The following SOX5 variants were observed in gnomAD, a reference collection of about 807,000 sequenced individuals.
SOX5 encodes the protein SRY-box transcription factor 5.
A neutral mutation model predicts 92.0 loss-of-function variants in SOX5; 9 were observed. The ratio of observed to expected loss-of-function variants is 0.10; its 90% confidence interval spans 0.06 to 0.17. The LOEUF (loss-of-function observed/expected upper bound fraction) is 0.17. Among genes scored for constraint, SOX5 ranks in the 10% least tolerant of loss-of-function variants. The pLI, the probability that SOX5 is intolerant of heterozygous loss-of-function variation, is 1.00. For synonymous variants in SOX5, 344 were observed against 336.3 expected, an observed-to-expected ratio of 1.02 and a Z score of -0.25; for missense variants, 642 against 944.5, an observed-to-expected ratio of 0.68 and a Z score of 4.20.
In SOX5 at chr12:23,895,825, G is replaced by A. The variant is rs978460797; in HGVS notation, c.238C>T (p.His80Tyr). Residue 80 changes from histidine to tyrosine, a missense_variant, in exon 2 of 15, where the codon CAT (histidine) becomes TAT (tyrosine). By Grantham distance (83) the His-to-Tyr change is moderately conservative. Coordinates refer to ENST00000451604, the MANE Select transcript of SOX5 (RefSeq NM_006940.6). ...VSLLTQETCG[H>Y]RTPTSQHNTM... ...TTGTGCTGAGAAGTGGGAGTCCTAT[G>A]GCCACAAGTCTCTTGCGTCAGCAGA... is the stretch of plus-strand genomic sequence containing the variant. The A allele has an allele frequency of 2.5e-6, 4 of 1,613,728 alleles. No individual in the cohort carries two copies. The highest frequency in any genetic ancestry group is 3.4e-6 in the Non-Finnish European group (4 of 1,179,740).
intron 4 of SOX5, among the ~76,000 whole-genome samples, chr12:24,194,003 T>C (rs1594127604): frequency 6.6e-6 from 1 of 152,194 alleles, no homozygotes; most frequent in Non-Finnish European, 1.5e-5. Context: ...TACTGATTGA[T>C]GGCCTCATGT....
chr12:23,854,064 CTA>C (rs1278420740), intron 2 of SOX5, among the ~76,000 whole-genome samples: 2 of 152,072 alleles, frequency 1.3e-5, no homozygotes, highest in African/African-American at 4.8e-5. Flanking sequence ...TCTATTCACT[CTA>C]TGTGTCTGAA....
Position 24,289,741 on chromosome 12 carries a change from C to T in SOX5, c.-173-12429G>A, listed in dbSNP as rs1180896111. ...AAGTGCTGGGATTACAGGCGTGAGC[C>T]ACCGCGCCCGGCCGGACATTTGTAT... On this transcript the variant is annotated intron_variant, in intron 2 of 4. Coordinates refer to the SOX5 transcript ENST00000446891. 1.3e-5 allele frequency among the ~76,000 whole-genome samples: 2 copies of T among 151,952 alleles called. 1 individual carries two copies. Among genetic ancestry groups the T allele is most frequent in the East Asian group, 3.9e-4 (2 of 5,180 alleles).
intron 4 of SOX5, among the ~76,000 whole-genome samples, chr12:24,116,172 T>C (rs1426990849): frequency 6.6e-6 from 1 of 152,150 alleles, no homozygotes; most frequent in Non-Finnish European, 1.5e-5. Flanking sequence ...TACCTAAATT[T>C]CATCAGTCAA....
chr12:24,319,874 G>A (rs896514258), intron 2 of SOX5, among the ~76,000 whole-genome samples: 6 of 152,076 alleles, frequency 3.9e-5, no homozygotes, highest in Admixed American at 6.5e-5. Context: ...TCACTCAAAC[G>A]TCACCTCTTC....
chr12:23,949,713 T>TC (rs1235652884), upstream of SOX5: 73 of 1,272,188 alleles, frequency 5.7e-5, no homozygotes, highest in Middle Eastern at 2.4e-4. Context: ...CTCTGTCTCT[T>TC]CCCCCCCTCC....
intron 3 of SOX5, among the ~76,000 whole-genome samples, chr12:24,276,222 A>G (rs190620445): frequency 6.6e-6 from 1 of 152,192 alleles, no homozygotes; most frequent in East Asian, 1.9e-4. Flanking sequence ...TCTATATTAT[A>G]TTGTTTCATT....
rs555495471 is a variant in SOX5 at position 23,793,147 on chromosome 12, T to A, written c.482-37423A>T. Among the ~76,000 whole-genome samples the A allele has an allele frequency of 3.9e-5, 6 of 152,322 alleles. No homozygotes were observed. The South Asian group carries it at 1.2e-3, about 32-fold the overall frequency. ...CCTGTAACTATAAATTCTCCTCATA[T>A]GAAAATAAGTAGATATACATTTGTA... On this transcript the variant is annotated intron_variant, in intron 3 of 14. Transcript: ENST00000451604.
chr12:24,043,496 T>C (rs899926598), intron 4 of SOX5, among the ~76,000 whole-genome samples: 18 of 152,230 alleles, frequency 1.2e-4, no homozygotes, highest in Admixed American at 9.8e-4. Flanking sequence ...AAATAAAGCA[T>C]GGCAGAACTG....
intron 9 of SOX5, among the ~76,000 whole-genome samples, chr12:23,593,148 G>A (rs1254877034): frequency 1.3e-5 from 2 of 152,008 alleles, no homozygotes; most frequent in Non-Finnish European, 2.9e-5. Context: ...TTTCAAATAG[G>A]TAGTTCATGT....
At chr12:23,951,189 T>C (rs1945574312), upstream of SOX5, among the ~76,000 whole-genome samples, 1 of 152,110 alleles carries the variant, frequency 6.6e-6, no homozygotes, top group African/African-American at 2.4e-5. Flanking sequence ...GCCGAAGTGA[T>C]TAACTGGGGG....
At chr12:24,249,817 T>C (rs899127263) in intron 3 of SOX5, among the ~76,000 whole-genome samples, 3 of 152,222 alleles carry the variant, frequency 2.0e-5, no homozygotes, top group African/African-American at 4.8e-5. Context: ...TCAAATTAAA[T>C]GGTCTTTTAT....
At chr12:24,185,468 G>A (rs144061961) in intron 4 of SOX5, among the ~76,000 whole-genome samples, 229 of 152,128 alleles carry the variant, frequency 1.5e-3, no homozygotes, top group African/African-American at 3.4e-3. Context: ...ATGTTTGTCC[G>A]TGTCACTATT....
chr12:23,788,849 T>C (rs34946831), intron 3 of SOX5, among the ~76,000 whole-genome samples: 20,127 of 151,926 alleles, frequency 0.13, 1,458 homozygotes, highest in Non-Finnish European at 0.15. Flanking sequence ...TAGAAATGAA[T>C]AGTATTGAAT....
chr12:23,883,412 TAC>T (rs1053215548), intron 2 of SOX5, among the ~76,000 whole-genome samples: 9 of 152,062 alleles, frequency 5.9e-5, no homozygotes, highest in African/African-American at 1.9e-4. Flanking sequence ...TACAAGAAAA[TAC>T]AGTCTTTTGT....
intron 3 of SOX5, among the ~76,000 whole-genome samples, chr12:23,827,318 C>A (rs1160597275): frequency 6.6e-6 from 1 of 152,074 alleles, no homozygotes; most frequent in Non-Finnish European, 1.5e-5. Context: ...GCAATAAAAT[C>A]TTCAAAAATT....
chr12:24,317,698 C>T (rs2140874336), intron 2 of SOX5, among the ~76,000 whole-genome samples: 1 of 152,352 alleles, frequency 6.6e-6, no homozygotes, highest in African/African-American at 2.4e-5. Context: ...TCCACCTTCA[C>T]TCCACCAAGT....
Position 23,730,845 on chromosome 12 carries a change from C to T in SOX5, c.810+3839G>A, listed in dbSNP as rs922628178. The stretch of plus-strand genomic sequence containing the variant: ...AAGGCCAAGAGAAACTTGAAATAAC[C>T]TGGATGTGATGATTAATTATACGTG... On this transcript the variant is annotated intron_variant, in intron 6 of 14. Transcript: ENST00000451604. 3.3e-5 allele frequency among the ~76,000 whole-genome samples: 5 copies of T among 152,080 alleles called. No individual in the cohort carries two copies. In the South Asian group the frequency reaches 1.0e-3, roughly 32 times the overall value.
intron 2 of SOX5, among the ~76,000 whole-genome samples, chr12:24,295,275 A>C (rs1264209116): frequency 6.6e-6 from 1 of 152,170 alleles, no homozygotes; most frequent in Non-Finnish European, 1.5e-5. Context: ...GAGGATCTTC[A>C]TACTCTCGTG....
Sources: allele counts gnomAD v4.1 joint callset (sites outside exome capture counted in the v4.1 genomes callset), GRCh38; gene constraint gnomAD v4.1.1; transcripts MANE v1.5; gene names NCBI Gene and HGNC (gene_info 2026-07-23, HGNC 2026-07-21).